Variants in ZNF362 observed in about 807,000 individuals in gnomAD.
ZNF362 encodes rotund homolog.
A neutral mutation model predicts 42.9 loss-of-function variants in ZNF362; 11 were observed. The observed-to-expected ratio is 0.26, with a 90% CI of 0.16 to 0.42. The LOEUF (loss-of-function observed/expected upper bound fraction) is 0.42, where lower values mean the gene tolerates loss of function less well. Ranked by LOEUF, ZNF362 falls within the 20% of genes least tolerant of loss-of-function variation. The pLI is 1.00. For synonymous variants in ZNF362, 255 were observed against 257.3 expected, an observed-to-expected ratio of 0.99 and a Z score of 0.09; for missense variants, 362 against 576.2, an observed-to-expected ratio of 0.63 and a Z score of 3.81.
At chr1:33,287,951 C>G (rs1190291876) in intron 6 of ZNF362, among the ~76,000 whole-genome samples, 2 of 152,064 alleles carry the variant, frequency 1.3e-5, no homozygotes, top group Non-Finnish European at 2.9e-5. Flanking sequence ...TTAAAAAACA[C>G]GACATGCCAA....
At chr1:33,197,222 G>C in the ZNF362 span, among the ~76,000 whole-genome samples, 2,385 of 152,246 alleles carry the variant, frequency 0.016, 77 homozygotes, top group African/African-American at 0.054. Context: ...TGCACTGTTG[G>C]CTTCCCTTGT....
At chr1:33,132,013 G>A in the ZNF362 span, among the ~76,000 whole-genome samples, 4 of 152,166 alleles carry the variant, frequency 2.6e-5, no homozygotes, top group Admixed American at 2.6e-4. Flanking sequence ...GGCTCGAGGG[G>A]CCTTCGCAGC....
the ZNF362 span, among the ~76,000 whole-genome samples, chr1:33,218,978 C>CACAT: frequency 0.011 from 1,421 of 134,420 alleles, 19 homozygotes; most frequent in Middle Eastern, 0.034. Flanking sequence ...CACACACACA[C>CACAT]ACATACACCA....
At chr1:33,203,493 G>T in the ZNF362 span, among the ~76,000 whole-genome samples, 1 of 152,276 alleles carries the variant, frequency 6.6e-6, no homozygotes, top group African/African-American at 2.4e-5. Context: ...ATACCCACAA[G>T]AAGGATTGCT....
At chr1:33,269,779 C>A (rs1006452034) in intron 1 of ZNF362, among the ~76,000 whole-genome samples, 1 of 152,198 alleles carries the variant, frequency 6.6e-6, no homozygotes, top group Non-Finnish European at 1.5e-5. Context: ...TTTACTGAAC[C>A]CTTCTGCCTT....
chr1:33,220,184 A>T, the ZNF362 span, among the ~76,000 whole-genome samples: 1 of 151,296 alleles, frequency 6.6e-6, no homozygotes, highest in Non-Finnish European at 1.5e-5. Context: ...AGGTCACAGG[A>T]CTCTGCAGTG....
At chr1:33,275,162 GA>G in intron 2 of ZNF362, 1 of 985,402 alleles carries the variant, frequency 1.0e-6, no homozygotes, top group Non-Finnish European at 1.2e-6. Flanking sequence ...AGACTTAATG[GA>G]AACCCTCTGT....
chr1:33,294,915 C>T lies in ZNF362; in HGVS notation c.909-22C>T, dbSNP rs771350094. On this transcript the variant is annotated intron_variant, in intron 6 of 8. Coordinates refer to ENST00000539719, the MANE Select transcript of ZNF362 (RefSeq NM_152493.3). This position sits in a 1 kb window ranked among gnomAD's most constrained non-coding sequence, Gnocchi z 4.2. Reference sequence around the variant, plus strand: ...TGGGGTGTGTGTCAGGGACTTCGACCTTACTGGGCTGCCCATTACAGAATC... The same window carrying T: ...TGGGGTGTGTGTCAGGGACTTCGACTTTACTGGGCTGCCCATTACAGAATC... 11 of 1,613,776 alleles carry T rather than the reference C, an allele frequency of 6.8e-6. No individual in the cohort carries two copies. Among genetic ancestry groups the T allele is most frequent in the Admixed American group, 1.7e-5 (1 of 59,992 alleles).
chr1:33,289,995 G>A (rs1646064575), intron 6 of ZNF362, among the ~76,000 whole-genome samples: 1 of 152,202 alleles, frequency 6.6e-6, no homozygotes. Flanking sequence ...AGGAACAGGT[G>A]TTCCTGGTAG....
intron 6 of ZNF362, among the ~76,000 whole-genome samples, chr1:33,291,036 T>A (rs1180783833): frequency 6.6e-6 from 1 of 152,230 alleles, no homozygotes. Context: ...CTGATGGTAG[T>A]TTCTTTTGCT....
At chr1:33,251,803 TCA>T (rs1446820666), upstream of ZNF362, among the ~76,000 whole-genome samples, 1 of 152,210 alleles carries the variant, frequency 6.6e-6, no homozygotes, top group Non-Finnish European at 1.5e-5. Context: ...TGATCTTCTC[TCA>T]GACACTTCCA....
At chr1:33,223,056 T>A in the ZNF362 span, among the ~76,000 whole-genome samples, 7 of 151,872 alleles carry the variant, frequency 4.6e-5, no homozygotes, top group African/African-American at 1.7e-4. Context: ...ATCAAGACCA[T>A]CCTGGACAAC....
At position 33,264,573 on chromosome 1, in the gene ZNF362, C is replaced by T. The variant is rs371894710; in HGVS notation, c.-88-5914C>T. Among the ~76,000 whole-genome samples, 6 of 152,294 alleles carry T rather than the reference C, an allele frequency of 3.9e-5. No homozygotes were observed. In the East Asian group the frequency reaches 1.2e-3, roughly 29 times the overall value. On this transcript the variant is annotated intron_variant, in intron 1 of 8. Transcript: ENST00000539719. Reference sequence around the variant, plus strand: ...AGATTTAGGTAACAATCCCAAAGGCCTGAGCTGGGGCTATCTGCCTCCAGA... The same window carrying T: ...AGATTTAGGTAACAATCCCAAAGGCTTGAGCTGGGGCTATCTGCCTCCAGA...
chr1:33,275,342 C>T (rs1645935707), intron 2 of ZNF362: 1 of 985,378 alleles, frequency 1.0e-6, no homozygotes, highest in Non-Finnish European at 1.2e-6. Context: ...TGAGGGCCAC[C>T]AGACAGTTTG....
the ZNF362 span, chr1:33,164,195 G>A: frequency 2.0e-5 from 3 of 152,284 alleles, no homozygotes; most frequent in African/African-American, 7.2e-5. Flanking sequence ...ACTCTGGAAT[G>A]TTCTGTGAAG....
chr1:33,178,067 A>G, the ZNF362 span, among the ~76,000 whole-genome samples: 1 of 152,134 alleles, frequency 6.6e-6, no homozygotes, highest in African/African-American at 2.4e-5. Context: ...GCTGCACGCC[A>G]ACTGCTAGGT....
At chr1:33,268,199 CA>C (rs545164514) in intron 1 of ZNF362, among the ~76,000 whole-genome samples, 81 of 152,050 alleles carry the variant, frequency 5.3e-4, no homozygotes, top group African/African-American at 1.8e-3. Flanking sequence ...GGACTTGGGT[CA>C]ATTAGGAAGA....
the ZNF362 span, chr1:33,147,259 A>G: frequency 6.2e-7 from 1 of 1,614,080 alleles, no homozygotes; most frequent in South Asian, 1.1e-5. The surrounding 1 kb of genome is among the most constrained non-coding windows in gnomAD (Gnocchi z 8.1). Context: ...GTAAGAGCAG[A>G]GCTTGCCAGG....
chr1:33,243,737 C>T, the ZNF362 span, among the ~76,000 whole-genome samples: 1 of 151,240 alleles, frequency 6.6e-6, no homozygotes, highest in African/African-American at 2.4e-5. Flanking sequence ...GCTGGGACTA[C>T]AGGCGCCCAC....
Sources: allele counts gnomAD v4.1 joint callset (sites outside exome capture counted in the v4.1 genomes callset), GRCh38; gene constraint gnomAD v4.1.1; non-coding constraint Gnocchi (gnomAD v3.1); transcripts MANE v1.5; gene names NCBI Gene and HGNC (gene_info 2026-07-23, HGNC 2026-07-21).